The following VAT1L variants were observed in gnomAD, a reference collection of about 807,000 sequenced individuals.
VAT1L encodes the protein putative NADPH-dependent quinone oxidoreductase VAT1L.
A neutral mutation model predicts 44.1 loss-of-function variants in VAT1L; 34 were observed. That is an observed-to-expected ratio of 0.77 (90% CI 0.59 to 1.03). The LOEUF is 1.03. VAT1L is among the 50% of genes least tolerant of loss of function. The pLI, the probability that VAT1L is intolerant of heterozygous loss-of-function variation, is 0.00. For missense variants in VAT1L, 615 were observed against 538.8 expected (o/e 1.14, Z -1.40); for synonymous variants, 253 against 202.2 (o/e 1.25, Z -2.13).
chr16:77,814,312 G>C (rs1467069594), intron 1 of VAT1L, among the ~76,000 whole-genome samples: 1 of 152,186 alleles, frequency 6.6e-6, no homozygotes, highest in Non-Finnish European at 1.5e-5. Flanking sequence ...ACCTGTCCTA[G>C]TCTCCGTCTC....
chr16:77,927,428 C>T (rs116046780), intron 7 of VAT1L, among the ~76,000 whole-genome samples: 1 of 152,030 alleles, frequency 6.6e-6, no homozygotes, highest in African/African-American at 2.4e-5. Flanking sequence ...TGAGGCTCAG[C>T]AACTAGTAAG....
chr16:77,835,285 A>T (rs17703651), intron 3 of VAT1L, among the ~76,000 whole-genome samples: 11,702 of 152,226 alleles, frequency 0.077, 602 homozygotes, highest in Non-Finnish European at 0.12. Context: ...TTGTAAATTT[A>T]AATCTATTAA....
intron 4 of VAT1L, among the ~76,000 whole-genome samples, chr16:77,871,170 C>CTGAGGG: frequency 6.6e-6 from 1 of 152,258 alleles, no homozygotes; most frequent in East Asian, 1.9e-4. Context: ...CCCTCAGGTG[C>CTGAGGG]TGAGAATGAT....
intron 7 of VAT1L, among the ~76,000 whole-genome samples, chr16:77,970,143 G>T (rs1173198916): frequency 6.6e-6 from 1 of 151,910 alleles, no homozygotes; most frequent in Non-Finnish European, 1.5e-5. Context: ...GGCTGACGTG[G>T]GAGCATTGCT....
At chr16:77,800,527 G>T (rs2016028128) in intron 1 of VAT1L, 1 of 152,154 alleles carries the variant, frequency 6.6e-6, no homozygotes, top group Non-Finnish European at 1.5e-5. Flanking sequence ...AGTTTCAAGG[G>T]TTGCCTAGAA....
intron 7 of VAT1L, among the ~76,000 whole-genome samples, chr16:77,967,345 C>A (rs563496524): frequency 6.6e-6 from 1 of 152,196 alleles, no homozygotes; most frequent in African/African-American, 2.4e-5. Context: ...GAAACTGATG[C>A]AGACACTTCT....
In VAT1L at chr16:77,838,915, G is replaced by A. The variant is rs2016670821; in HGVS notation, c.579+13454G>A. 2.0e-5 allele frequency among the ~76,000 whole-genome samples: 3 copies of A among 150,462 alleles called. No homozygotes were observed. In the South Asian group the frequency reaches 6.3e-4, roughly 32 times the overall value. On this transcript the variant is annotated intron_variant, in intron 3 of 8. Transcript: ENST00000302536. ...CCCCCATCTCTTTCTTTCAGCATCT[G>A]TCAAGTACAAGCCCTGGGGGTAACT...
intron 4 of VAT1L, among the ~76,000 whole-genome samples, chr16:77,864,897 A>G (rs1167828245): frequency 6.6e-6 from 1 of 151,472 alleles, no homozygotes; most frequent in Non-Finnish European, 1.5e-5. Flanking sequence ...TCAGATGTCT[A>G]GAGGCTGCAG....
intron 7 of VAT1L, among the ~76,000 whole-genome samples, chr16:77,954,629 AT>A (rs544644537): frequency 3.1e-3 from 476 of 152,328 alleles, no homozygotes; most frequent in African/African-American, 0.011. Context: ...TCTCAAAAAA[AT>A]AAATAATAAA....
intron 7 of VAT1L, among the ~76,000 whole-genome samples, chr16:77,934,474 T>A (rs1377497093): frequency 2.0e-5 from 3 of 151,824 alleles, no homozygotes; most frequent in Admixed American, 6.6e-5. Flanking sequence ...CAAAAAAAAA[T>A]GGATTCTTCC....
At position 77,876,492 on chromosome 16, in the gene VAT1L, C is replaced by T; in HGVS notation, c.826+19C>T. 1 of 1,608,476 alleles carries T rather than the reference C, an allele frequency of 6.2e-7. No homozygotes were observed. Among genetic ancestry groups the T allele is most frequent in the South Asian group, 1.1e-5 (1 of 90,968 alleles). ...TTATATGGTGAGTGCAAAACAGCAG[C>T]AGGGACGTGGTCAGCAATAGGTACC... On this transcript the variant is annotated intron_variant, in intron 5 of 8. Coordinates refer to ENST00000302536, the MANE Select transcript of VAT1L (RefSeq NM_020927.3).
At chr16:77,948,550 T>C (rs1367163893) in intron 7 of VAT1L, among the ~76,000 whole-genome samples, 1 of 152,142 alleles carries the variant, frequency 6.6e-6, no homozygotes, top group Non-Finnish European at 1.5e-5. Context: ...ATTTCAAACA[T>C]ATAAAAGCAG....
At chr16:77,893,934 T>G (rs1467076218) in intron 7 of VAT1L, among the ~76,000 whole-genome samples, 1 of 152,218 alleles carries the variant, frequency 6.6e-6, no homozygotes, top group Non-Finnish European at 1.5e-5. Context: ...GTACCTTGCA[T>G]TTATTAACTC....
At chr16:77,844,982 A>T (rs2016744524) in intron 3 of VAT1L, among the ~76,000 whole-genome samples, 1 of 152,212 alleles carries the variant, frequency 6.6e-6, no homozygotes, top group Admixed American at 6.5e-5. Context: ...AGAGATAAGG[A>T]GGCAGTTATG....
chr16:77,802,974 T>C (rs112831633), intron 1 of VAT1L, among the ~76,000 whole-genome samples: 11 of 152,280 alleles, frequency 7.2e-5, no homozygotes, highest in African/African-American at 2.4e-4. Flanking sequence ...AGCCCAGCAA[T>C]GATTTCTTTC....
At chr16:77,969,946 C>T (rs2018261006) in intron 7 of VAT1L, among the ~76,000 whole-genome samples, 1 of 149,890 alleles carries the variant, frequency 6.7e-6, no homozygotes, top group South Asian at 2.1e-4. Context: ...GGCACAGTGG[C>T]TCATGCCTGT....
chr16:77,849,165 T>G (rs2016784710), intron 3 of VAT1L, among the ~76,000 whole-genome samples: 1 of 152,158 alleles, frequency 6.6e-6, no homozygotes, highest in African/African-American at 2.4e-5. Context: ...ATTCTGCACA[T>G]GTATCCCAGA....
At chr16:77,803,485 T>C (rs1047086822) in intron 1 of VAT1L, among the ~76,000 whole-genome samples, 2 of 145,028 alleles carry the variant, frequency 1.4e-5, no homozygotes, top group Non-Finnish European at 3.0e-5. Context: ...AATGGTGCGA[T>C]CTCGGCTCAC....
At chr16:77,860,986 T>C (rs2142441538) in intron 3 of VAT1L, among the ~76,000 whole-genome samples, 1 of 152,304 alleles carries the variant, frequency 6.6e-6, no homozygotes, top group Non-Finnish European at 1.5e-5. Flanking sequence ...CAGATTTGCC[T>C]CTGAAAAAGT....
Sources: allele counts gnomAD v4.1 joint callset (sites outside exome capture counted in the v4.1 genomes callset), GRCh38; gene constraint gnomAD v4.1.1; transcripts MANE v1.5; gene names NCBI Gene and HGNC (gene_info 2026-07-23, HGNC 2026-07-21).